The following FLT1 variants were observed in gnomAD, a reference collection of about 807,000 sequenced individuals.
The protein encoded by FLT1 is vascular endothelial growth factor receptor 1.
A neutral mutation model predicts 156.3 loss-of-function variants in FLT1; 49 were observed. The observed-to-expected ratio is 0.31, with a 90% CI of 0.25 to 0.40. The LOEUF is 0.40. Ranked by LOEUF, FLT1 falls within the 10% of genes least tolerant of loss-of-function variation. FLT1 has a pLI of 1.00. For synonymous variants in FLT1, 594 were observed against 583.8 expected (o/e 1.02, Z -0.25); for missense variants, 1,322 against 1,637.2 (o/e 0.81, Z 3.32).
At chr13:28,372,566 G>GCATA (rs1279204338) in intron 14 of FLT1, among the ~76,000 whole-genome samples, 37 of 91,442 alleles carry the variant, frequency 4.0e-4, no homozygotes, top group Non-Finnish European at 6.4e-4. Context: ...TAAATAAAAT[G>GCATA]TATATATATA....
chr13:28,368,991 C>T (rs1350820938), intron 14 of FLT1, among the ~76,000 whole-genome samples: 1 of 152,012 alleles, frequency 6.6e-6, no homozygotes, highest in African/African-American at 2.4e-5. Context: ...AGGTGTGAGC[C>T]ACTGTGCCTG....
intron 16 of FLT1, among the ~76,000 whole-genome samples, chr13:28,342,760 A>T (rs1163123836): frequency 6.6e-6 from 1 of 152,196 alleles, no homozygotes; most frequent in African/African-American, 2.4e-5. Flanking sequence ...TTACCTTTTC[A>T]TATTTTTGGA....
rs376034078 is a variant in FLT1, at chr13:28,458,044, C to T, written c.388+8859G>A. ...CCACCTCCTGGGTTCAAGCGATTCT[C>T]CTGCCTCAGCCTCCCGAGTAGCTGG... On this transcript the variant is annotated intron_variant, in intron 3 of 29. Transcript: ENST00000282397. Among the ~76,000 whole-genome samples, 51 of 148,592 alleles carry T rather than the reference C, an allele frequency of 3.4e-4. No homozygotes were observed. The East Asian group carries it at 5.7e-3, about 17-fold the overall frequency.
At chr13:28,329,340 T>A (rs958831927) in intron 19 of FLT1, among the ~76,000 whole-genome samples, 1 of 152,128 alleles carries the variant, frequency 6.6e-6, no homozygotes, top group African/African-American at 2.4e-5. Flanking sequence ...TTCAGACCCA[T>A]CCTGAGAGAA....
Position 28,427,747 on chromosome 13 carries a change from C to T in FLT1, c.1276+5G>A. On this transcript the variant is annotated splice_donor_5th_base_variant and intron_variant, in intron 9 of 29. Coordinates refer to ENST00000282397, the MANE Select transcript of FLT1 (RefSeq NM_002019.4). Reference sequence around the variant, plus strand: ...ACCAGAAGAAAGTATGAACAGCAAACTTACCATTGACAATTAGAGTGGCAG... The same window carrying T: ...ACCAGAAGAAAGTATGAACAGCAAATTTACCATTGACAATTAGAGTGGCAG... The T allele has an allele frequency of 6.2e-7, 1 of 1,613,292 alleles. No homozygotes were observed.
chr13:28,450,391 C>T (rs1878865945), intron 3 of FLT1, among the ~76,000 whole-genome samples: 1 of 152,190 alleles, frequency 6.6e-6, no homozygotes, highest in Non-Finnish European at 1.5e-5. Flanking sequence ...TTTCTGTGCT[C>T]TCTGGGTTTT....
Position 28,359,121 on chromosome 13 carries a change from TA to T in FLT1, c.2117-1437del, listed in dbSNP as rs549506463. On this transcript the variant is annotated intron_variant, in intron 14 of 29. Transcript: ENST00000282397. ...AAAAGTTGAGAAATATTTGAAAGCT[TA>T]AAAAAAGAAAATGTAATATTATAAA... is the stretch of plus-strand genomic sequence containing the variant. 9.5e-4 allele frequency among the ~76,000 whole-genome samples: 145 copies of T among 152,130 alleles called. 1 individual carries two copies. Among genetic ancestry groups the T allele is most frequent in the African/African-American group, 3.3e-3 (139 of 41,506 alleles).
intron 12 of FLT1, chr13:28,396,661 C>G (rs1376803743): frequency 2.1e-6 from 1 of 484,814 alleles, no homozygotes; most frequent in Non-Finnish European, 3.8e-6. Context: ...ATGTACCAGA[C>G]CCTGTGCTAG....
At chr13:28,420,799 C>T (rs1354356446) in intron 10 of FLT1, among the ~76,000 whole-genome samples, 1 of 152,142 alleles carries the variant, frequency 6.6e-6, no homozygotes, top group Non-Finnish European at 1.5e-5. Context: ...ATTTTACATA[C>T]CCCACTGATG....
chr13:28,376,814 G>A (rs61763250), intron 14 of FLT1, among the ~76,000 whole-genome samples: 2,224 of 152,332 alleles, frequency 0.015, 55 homozygotes, highest in African/African-American at 0.051. Context: ...TTGGAGAGCT[G>A]CCAGTCCTTT....
chr13:28,422,198 C>G (rs1258854115), intron 10 of FLT1, among the ~76,000 whole-genome samples: 6 of 152,136 alleles, frequency 3.9e-5, no homozygotes. Context: ...TGTAAGATGT[C>G]AGCAATATTA....
chr13:28,473,478 C>G (rs539663550), intron 1 of FLT1, among the ~76,000 whole-genome samples: 1 of 151,784 alleles, frequency 6.6e-6, no homozygotes, highest in Admixed American at 6.6e-5. Context: ...AACCCCGTCT[C>G]TACTAAAAAT....
Position 28,302,882 on chromosome 13 carries a change from C to T in FLT1, c.*285G>A, listed in dbSNP as rs1375800778. The T allele has an allele frequency of 6.4e-6, 3 of 465,858 alleles. No individual in the cohort carries two copies. Among genetic ancestry groups the T allele is most frequent in the Middle Eastern group, 5.9e-4 (1 of 1,686 alleles). The allele number at this position is 465,858 out of a possible 1,614,324, so 28.9% of individuals were successfully genotyped here. On this transcript the variant is annotated 3_prime_UTR_variant, in exon 30 of 30. Coordinates refer to ENST00000282397, the MANE Select transcript of FLT1 (RefSeq NM_002019.4). The stretch of plus-strand genomic sequence containing the variant: ...ACTGGTCCTGCGTGCCCTGAGGTGG[C>T]GGGGGTTGGAGCAGGGAAGTCATTG...
intron 18 of FLT1, among the ~76,000 whole-genome samples, chr13:28,332,207 G>A (rs752465997): frequency 9.2e-5 from 14 of 152,056 alleles, no homozygotes; most frequent in East Asian, 3.9e-4. Context: ...CAGCCTGGGC[G>A]ACAGAGTAAA....
At chr13:28,306,303 C>T (rs1027456439) in intron 29 of FLT1, among the ~76,000 whole-genome samples, 4 of 152,164 alleles carry the variant, frequency 2.6e-5, no homozygotes, top group Non-Finnish European at 5.9e-5. Flanking sequence ...TGTGTCTCCT[C>T]GTGTATGAAC....
chr13:28,446,179 A>G (rs1878606515), intron 3 of FLT1, among the ~76,000 whole-genome samples: 1 of 152,214 alleles, frequency 6.6e-6, no homozygotes, highest in Non-Finnish European at 1.5e-5. Context: ...TGGCATCTAG[A>G]AAAAACCCTA....
intron 14 of FLT1, among the ~76,000 whole-genome samples, chr13:28,367,595 G>A (rs1187846638): frequency 6.6e-6 from 1 of 152,174 alleles, no homozygotes; most frequent in Non-Finnish European, 1.5e-5. Context: ...CCAGGGAAGA[G>A]CATGGAATAT....
intron 11 of FLT1, among the ~76,000 whole-genome samples, chr13:28,397,976 C>T (rs1875167664): frequency 6.6e-6 from 1 of 152,028 alleles, no homozygotes; most frequent in South Asian, 2.1e-4. Flanking sequence ...TTTCCAAATT[C>T]TGATGTCTAA....
intron 3 of FLT1, among the ~76,000 whole-genome samples, chr13:28,446,290 C>A (rs1878615317): frequency 6.6e-6 from 1 of 152,148 alleles, no homozygotes; most frequent in Non-Finnish European, 1.5e-5. Context: ...CAATAGTGTA[C>A]TAGAGGTTCC....
Sources: allele counts gnomAD v4.1 joint callset (sites outside exome capture counted in the v4.1 genomes callset), GRCh38; gene constraint gnomAD v4.1.1; transcripts MANE v1.5; gene names NCBI Gene and HGNC (gene_info 2026-07-23, HGNC 2026-07-21).